Variants in SLC35F4 observed in about 807,000 individuals in gnomAD.
The protein encoded by SLC35F4 is solute carrier family 35 member F4.
SLC35F4 carries 24 observed loss-of-function variants against 44.2 expected under a neutral mutation model. The observed-to-expected ratio is 0.54, with a 90% CI of 0.39 to 0.76. SLC35F4 has a LOEUF of 0.76. Ranked by LOEUF, SLC35F4 falls within the 30% of genes least tolerant of loss-of-function variation. SLC35F4 has a pLI of 0.00. For synonymous variants in SLC35F4, 238 were observed against 223.6 expected, an observed-to-expected ratio of 1.06 and a Z score of -0.57; for missense variants, 562 against 586.1, an observed-to-expected ratio of 0.96 and a Z score of 0.42.
At chr14:57,859,505 G>A (rs75976309) in intron 1 of SLC35F4, among the ~76,000 whole-genome samples, 3 of 152,182 alleles carry the variant, frequency 2.0e-5, no homozygotes, top group African/African-American at 7.2e-5. Flanking sequence ...TGTGGTGTAG[G>A]GGGGAGAAAT....
chr14:57,927,806 T>C (rs924184496), intron 1 of SLC35F4, among the ~76,000 whole-genome samples: 2 of 152,108 alleles, frequency 1.3e-5, no homozygotes, highest in African/African-American at 4.8e-5. Context: ...CTTTTTATTC[T>C]CTAACTATTA....
chr14:57,833,096 T>C (rs2140940857), intron 1 of SLC35F4, among the ~76,000 whole-genome samples: 1 of 152,364 alleles, frequency 6.6e-6, no homozygotes, highest in Non-Finnish European at 1.5e-5. Context: ...AAAAGTTCTC[T>C]ATTTAGAGCT....
chr14:57,701,574 T>C (rs1356798473), intron 1 of SLC35F4, among the ~76,000 whole-genome samples: 2 of 152,118 alleles, frequency 1.3e-5, no homozygotes, highest in Non-Finnish European at 2.9e-5. Flanking sequence ...AACACATGAG[T>C]AATACATTGT....
intron 1 of SLC35F4, among the ~76,000 whole-genome samples, chr14:57,863,780 T>C (rs1393668876): frequency 6.6e-6 from 1 of 152,244 alleles, no homozygotes; most frequent in African/African-American, 2.4e-5. Flanking sequence ...CTGAGATTTA[T>C]CTGACTATCA....
intron 1 of SLC35F4, among the ~76,000 whole-genome samples, chr14:57,707,067 G>T (rs1262540806): frequency 6.6e-6 from 1 of 152,168 alleles, no homozygotes. Context: ...GAAGTATTTG[G>T]ATTTAAAAGG....
intron 1 of SLC35F4, among the ~76,000 whole-genome samples, chr14:57,605,082 GAAAACAA>G (rs60879952): frequency 0.71 from 107,425 of 151,382 alleles, 38,844 homozygotes; most frequent in Middle Eastern, 0.8. Context: ...AAAAGCAATT[GAAAACAA>G]AAAACAAAAA....
chr14:57,665,343 T>C lies in SLC35F4; in HGVS notation c.104-71219A>G, dbSNP rs112888500. On this transcript the variant is annotated intron_variant, in intron 1 of 7. Transcript: ENST00000556826. ...CAATAATAATAGCTATTACTTATTG[T>C]GCTAGGCATCTCATTATGGGCCAGA... 6.9e-3 allele frequency among the ~76,000 whole-genome samples: 1,047 copies of C among 152,318 alleles called. 9 individuals are homozygous for C. Among genetic ancestry groups the C allele is most frequent in the African/African-American group, 0.024 (995 of 41,572 alleles).
In SLC35F4 at chr14:57,763,457, T is replaced by TCAGAA. The variant is rs534620114; in HGVS notation, c.103+102261_103+102265dup. Among the ~76,000 whole-genome samples, 21 of 152,068 alleles carry TCAGAA rather than the reference T, an allele frequency of 1.4e-4. No individual in the cohort carries two copies. In the South Asian group the frequency reaches 4.4e-3, roughly 32 times the overall value. The stretch of plus-strand genomic sequence containing the variant: ...GTGTTTAAGAGTGCAAACTCCAGAG[T>TCAGAA]CAGAATAGTTGATGTTTATTGGTTT... On this transcript the variant is annotated intron_variant, in intron 1 of 7. Transcript: ENST00000556826.
At chr14:57,700,244 A>G (rs773431545) in intron 1 of SLC35F4, among the ~76,000 whole-genome samples, 19 of 152,184 alleles carry the variant, frequency 1.2e-4, no homozygotes, top group Non-Finnish European at 2.6e-4. Flanking sequence ...ACTGAATACT[A>G]TTTGCAGTTG....
chr14:57,814,168 CTT>C (rs1486407463), intron 1 of SLC35F4, among the ~76,000 whole-genome samples: 11 of 152,242 alleles, frequency 7.2e-5, no homozygotes, highest in Non-Finnish European at 1.5e-5. Flanking sequence ...CTAGCTATCT[CTT>C]GATAGCTGCT....
At chr14:57,723,505 A>G (rs1177879180) in intron 1 of SLC35F4, among the ~76,000 whole-genome samples, 3 of 152,218 alleles carry the variant, frequency 2.0e-5, no homozygotes, top group Non-Finnish European at 4.4e-5. Flanking sequence ...GGAGAATGAC[A>G]GTGGGTTATC....
chr14:57,765,821 T>C (rs2077222020), intron 1 of SLC35F4, among the ~76,000 whole-genome samples: 2 of 152,102 alleles, frequency 1.3e-5, no homozygotes, highest in Non-Finnish European at 2.9e-5. Context: ...TGATAGGAAG[T>C]GGGGTATGGT....
intron 1 of SLC35F4, among the ~76,000 whole-genome samples, chr14:57,839,320 T>C (rs1317726000): frequency 6.6e-6 from 1 of 152,216 alleles, no homozygotes; most frequent in Non-Finnish European, 1.5e-5. Flanking sequence ...CAGTGATTCT[T>C]GACCCGGCCT....
At chr14:57,938,520 A>G (rs1200171888) in intron 1 of SLC35F4, among the ~76,000 whole-genome samples, 2 of 152,226 alleles carry the variant, frequency 1.3e-5, no homozygotes, top group Non-Finnish European at 2.9e-5. Flanking sequence ...ACCTCACAGG[A>G]TTAATGTCAT....
intron 1 of SLC35F4, among the ~76,000 whole-genome samples, chr14:57,624,097 A>G (rs1239313323): frequency 6.6e-6 from 1 of 152,200 alleles, no homozygotes; most frequent in African/African-American, 2.4e-5. Flanking sequence ...AATAGACACA[A>G]TAAAAAATGA....
At chr14:57,891,740 G>T (rs1301121678) in intron 1 of SLC35F4, among the ~76,000 whole-genome samples, 5 of 152,020 alleles carry the variant, frequency 3.3e-5, no homozygotes, top group African/African-American at 4.8e-5. Context: ...GTTGGGCATG[G>T]TGGCATGCAC....
At chr14:57,744,973 C>CA (rs138115947) in intron 1 of SLC35F4, among the ~76,000 whole-genome samples, 28,038 of 152,110 alleles carry the variant, frequency 0.18, 2,914 homozygotes, top group South Asian at 0.28. Context: ...ACAAACCTGG[C>CA]AAAAACAAGA....
intron 1 of SLC35F4, among the ~76,000 whole-genome samples, chr14:57,679,926 G>T (rs1021774383): frequency 1.1e-4 from 16 of 152,052 alleles, no homozygotes; most frequent in African/African-American, 3.4e-4. Context: ...CAGATTCATA[G>T]CCAAATACTA....
chr14:57,564,452 T>C, intron 7 of SLC35F4, 76 bp from the exon 8 acceptor site: 1 of 1,519,160 alleles, frequency 6.6e-7, no homozygotes, highest in Non-Finnish European at 8.9e-7. Context: ...AAAGTCCATG[T>C]TACTTCTAGA....
Sources: allele counts gnomAD v4.1 joint callset (sites outside exome capture counted in the v4.1 genomes callset), GRCh38; gene constraint gnomAD v4.1.1; transcripts MANE v1.5; gene names NCBI Gene and HGNC (gene_info 2026-07-23, HGNC 2026-07-21).